The following MDM2 variants were observed in gnomAD, a reference collection of about 807,000 sequenced individuals.
MDM2 encodes the protein MDM2 proto-oncogene.
Under a neutral mutation model 64.3 loss-of-function variants are expected in MDM2, and 11 were observed. The ratio of observed to expected loss-of-function variants is 0.17; its 90% CI spans 0.11 to 0.28. MDM2 has a LOEUF of 0.28. Among genes scored for constraint, MDM2 ranks in the 10% least tolerant of loss-of-function variants. MDM2 has a pLI of 1.00. For synonymous variants in MDM2, 194 were observed against 192.9 expected, an observed-to-expected ratio of 1.01 and a Z score of -0.05; for missense variants, 388 against 577.1, an observed-to-expected ratio of 0.67 and a Z score of 3.36.
At chr12:68,833,143 AAAAAAAATAT>A (rs1241823602) in intron 8 of MDM2, among the ~76,000 whole-genome samples, 159 of 107,278 alleles carry the variant, frequency 1.5e-3, no homozygotes, top group African/African-American at 7.1e-3. Context: ...AAAAAAAAAA[AAAAAAAATAT>A]ATATATATAT....
Position 68,844,111 on chromosome 12 carries a change from G to C in MDM2, c.*4262G>C, listed in dbSNP as rs1382127879. ...CTGCAAATGGATTCAACATGTTTAT[G>C]GGTTATTAAAATTGTCTGATTTCTT... is the stretch of plus-strand genomic sequence containing the variant. On this transcript the variant is annotated 3_prime_UTR_variant, in exon 11 of 11. Coordinates refer to ENST00000258149, the MANE Select transcript of MDM2 (RefSeq NM_002392.6). 1 of 207,420 alleles carries C rather than the reference G, an allele frequency of 4.8e-6. No homozygotes were observed. The highest frequency in any genetic ancestry group is 2.3e-5 in the African/African-American group (1 of 43,894). The allele number at this position is 207,420 out of a possible 1,614,324, so 12.8% of individuals were successfully genotyped here. A position where few individuals can be genotyped will look rare whatever the true frequency, so the allele number is the denominator to read the frequency against.
chr12:68,816,997 G>C (rs1208044401), intron 4 of MDM2, 52 bp downstream of exon 4: 2 of 1,590,802 alleles, frequency 1.3e-6, no homozygotes, highest in East Asian at 4.5e-5. Context: ...TAACATTTCA[G>C]TTCACCTCTA....
intron 5 of MDM2, among the ~76,000 whole-genome samples, chr12:68,821,222 ATTT>A (rs1254986641): frequency 4.6e-5 from 7 of 151,510 alleles, no homozygotes; most frequent in Non-Finnish European, 8.8e-5. Flanking sequence ...TAATTTTTGT[ATTT>A]TTAGTAGAGA....
rs761546875 is a variant in MDM2, at chr12:68,816,914, G to C, written c.277G>C (p.Gly93Arg). ...CSNDLLGDLF[G>R]VPSFSVKEHR... ...AAATGATCTTCTAGGAGATTTGTTT[G>C]GCGTGCCAAGCTTCTCTGTGAAAGA... is the stretch of plus-strand genomic sequence containing the variant. The change falls in exon 4 of 11, where the codon GGC (glycine) becomes CGC (arginine). Residue 93 changes from glycine (G) to arginine (R), a missense_variant. This residue lies in a region of MDM2 where 24 missense variants were observed against 87.8 expected (regional missense o/e 0.27). Transcript: ENST00000258149. The C allele has an allele frequency of 1.2e-6, 2 of 1,612,572 alleles. No individual in the cohort carries two copies. The highest frequency in any genetic ancestry group is 2.2e-5 in the South Asian group (2 of 90,522).
At chr12:68,808,561 C>A in intron 1 of MDM2, 70 bp downstream of exon 1, 1 of 1,603,552 alleles carries the variant, frequency 6.2e-7, no homozygotes, top group Non-Finnish European at 8.5e-7. Flanking sequence ...TCGCTGGTTC[C>A]CAGCCTCTGC....
In MDM2 at chr12:68,809,265, G is replaced by A. The variant is rs1880647399; in HGVS notation, c.72G>A (p.Gln24=). 1.2e-6 allele frequency: 2 copies of A among 1,614,110 alleles called. No homozygotes were observed. The highest frequency in any genetic ancestry group is 1.7e-6 in the Non-Finnish European group (2 of 1,180,006). ...VPTDGAVTTS[Q]IPASEQETLV... is the part of the protein sequence containing the mutation. ...CTGATGGTGCTGTAACCACCTCACA[G>A]ATTCCAGCTTCGGAACAAGAGACCC... The change falls in exon 2 of 11, where the codon CAG becomes CAA. Residue 24 remains glutamine, a synonymous_variant. Transcript: ENST00000258149.
intron 10 of MDM2, among the ~76,000 whole-genome samples, chr12:68,837,785 T>A (rs1389979741): frequency 6.6e-6 from 1 of 152,208 alleles, no homozygotes; most frequent in East Asian, 1.9e-4. Context: ...TAGGTTTTTT[T>A]AAAACTATTG....
At position 68,808,447 on chromosome 12, in the gene MDM2, G is replaced by C; in HGVS notation, c.-31G>C. 6.2e-7 allele frequency: 1 copy of C among 1,614,024 alleles called. No homozygotes were observed. Among genetic ancestry groups the C allele is most frequent in the Non-Finnish European group, 8.5e-7 (1 of 1,179,988 alleles). Reference sequence around the variant, plus strand: ...GTGAAGGAAACTGGGGAGTCTTGAGGGACCCCCGACTCCAAGCGCGAAAAC... The same window carrying C: ...GTGAAGGAAACTGGGGAGTCTTGAGCGACCCCCGACTCCAAGCGCGAAAAC... On this transcript the variant is annotated 5_prime_UTR_variant, in exon 1 of 11. Transcript: ENST00000258149.
Position 68,839,880 on chromosome 12 carries a change from C to T in MDM2, c.*31C>T. ...CTGTCTATAAGAGAATTATATATTT[C>T]TAACTATATAACCCTAGGAATTTAG... On this transcript the variant is annotated 3_prime_UTR_variant, in exon 11 of 11. Transcript: ENST00000258149. The T allele has an allele frequency of 1.3e-6, 2 of 1,580,236 alleles. No individual in the cohort carries two copies. Among genetic ancestry groups the T allele is most frequent in the Non-Finnish European group, 8.7e-7 (1 of 1,155,836 alleles).
Position 68,839,289 on chromosome 12 carries a change from A to T in MDM2, c.934A>T (p.Thr312Ser), listed in dbSNP as rs1883551742. The change falls in exon 11 of 11, where the codon ACT (threonine) becomes TCT (serine). Residue 312 changes from threonine (T) to serine (S), a missense_variant. Thr to Ser is a moderately conservative substitution (Grantham distance 58). Around this residue, in one of 5 missense-constraint regions of MDM2, gnomAD observed 168 missense variants for 236.6 expected, o/e 0.71. Transcript: ENST00000258149. ...EISLADYWKC[T>S]SCNEMNPPLP... The stretch of plus-strand genomic sequence containing the variant: ...TTCATTGAAGGACTATTGGAAATGC[A>T]CTTCATGCAATGAAATGAATCCCCC... The T allele has an allele frequency of 2.5e-6, 4 of 1,612,874 alleles. No individual in the cohort carries two copies. The highest frequency in any genetic ancestry group is 1.7e-4 in the Middle Eastern group (1 of 6,058).
rs143807051 is a variant in MDM2 at position 68,835,592 on chromosome 12, A to G, written c.685-237A>G. Among the ~76,000 whole-genome samples the G allele has an allele frequency of 6.4e-3, 971 of 152,336 alleles. 5 individuals carry two copies. The highest frequency in any genetic ancestry group is 0.014 in the South Asian group (66 of 4,828). On this transcript the variant is annotated intron_variant, in intron 8 of 10. Transcript: ENST00000258149. Reference sequence around the variant, plus strand: ...CTTGAAACCTTAATCTAGTTTCAGTATGCAGGATGGATCTGAGGAGGAAAT... The same window carrying G: ...CTTGAAACCTTAATCTAGTTTCAGTGTGCAGGATGGATCTGAGGAGGAAAT...
intron 7 of MDM2, among the ~76,000 whole-genome samples, chr12:68,826,415 G>A (rs566224821): frequency 1.3e-5 from 2 of 152,110 alleles, no homozygotes; most frequent in Admixed American, 6.5e-5. Context: ...TTGGAAGGCC[G>A]AAGCGGGTGG....
rs373328180 is a variant in MDM2, at chr12:68,828,763, A to G, written c.524-8A>G. 3.1e-6 allele frequency: 5 copies of G among 1,613,208 alleles called. No individual in the cohort carries two copies. The African/African-American group carries it at 4.0e-5, about 13-fold the overall frequency. On this transcript the variant is annotated splice_polypyrimidine_tract_variant and splice_region_variant and intron_variant, in intron 7 of 10. Transcript: ENST00000258149. The stretch of plus-strand genomic sequence containing the variant: ...ACAGCAATTTATTTTTTTTCCTTAC[A>G]TATCCAGAAGAAAATTCAGATGAAT...
intron 1 of MDM2, chr12:68,808,804 C>T: frequency 1.5e-6 from 1 of 656,078 alleles, no homozygotes; most frequent in Non-Finnish European, 1.9e-6. Flanking sequence ...GCCGCTTCGG[C>T]GCGGGAGGTC....
chr12:68,821,064 T>G (rs1881802733), intron 5 of MDM2, among the ~76,000 whole-genome samples: 2 of 123,574 alleles, frequency 1.6e-5, no homozygotes, highest in Non-Finnish European at 3.5e-5. Flanking sequence ...TTTTTTTTTT[T>G]TGAGAAGGAA....
At chr12:68,829,691 A>T (rs748044533) in intron 8 of MDM2, among the ~76,000 whole-genome samples, 3 of 150,802 alleles carry the variant, frequency 2.0e-5, no homozygotes, top group Non-Finnish European at 4.4e-5. Flanking sequence ...GCTCGAACCC[A>T]GGAGTTGGAG....
intron 10 of MDM2, among the ~76,000 whole-genome samples, chr12:68,836,955 CTTTT>C (rs35125243): frequency 7.3e-6 from 1 of 136,700 alleles, no homozygotes. Context: ...GGAATTTGAA[CTTTT>C]TTTTTTTTTT....
In MDM2 at chr12:68,835,975, A is replaced by C; in HGVS notation, c.831A>C (p.Glu277Asp). The change falls in exon 9 of 11, where the codon GAA becomes GAC. Residue 277 changes from glutamate to aspartate, a missense_variant. Physicochemically the swap from Glu to Asp is conservative, Grantham distance 45. Around this residue, in one of 5 missense-constraint regions of MDM2, gnomAD observed 168 missense variants for 236.6 expected, o/e 0.71. Coordinates refer to ENST00000258149, the MANE Select transcript of MDM2 (RefSeq NM_002392.6). ...LSEEGQELSD[E>D]DDEVYQVTVY... ...AAGAAGGACAAGAACTCTCAGATGA[A>C]GATGATGAGGTAGTATTTTTTTTCC... is the stretch of plus-strand genomic sequence containing the variant. 6.2e-7 allele frequency: 1 copy of C among 1,605,916 alleles called. No individual in the cohort carries two copies. The highest frequency in any genetic ancestry group is 8.5e-7 in the Non-Finnish European group (1 of 1,176,004).
In MDM2 at chr12:68,840,506, T is replaced by G. The variant is rs943203251; in HGVS notation, c.*657T>G. 5.2e-5 allele frequency: 10 copies of G among 193,484 alleles called. No homozygotes were observed. Among genetic ancestry groups the G allele is most frequent in the African/African-American group, 9.4e-5 (4 of 42,440 alleles). The allele number at this position is 193,484 out of a possible 1,614,324, so 12.0% of individuals were successfully genotyped here. ...GTGTGAAAGATTTAGTTTTTTGTTTTTTTGTTTGTTTGTTTGTTTGTTTGT... is the reference window on the plus strand; with the variant it reads ...GTGTGAAAGATTTAGTTTTTTGTTTGTTTGTTTGTTTGTTTGTTTGTTTGT... On this transcript the variant is annotated 3_prime_UTR_variant, in exon 11 of 11. Transcript: ENST00000258149.
Sources: gnomAD v4.1 joint callset for allele counts (sites outside exome capture counted in the v4.1 genomes callset) on GRCh38, gnomAD v4.1.1 for gene constraint, gnomAD v4.1.1 regional missense constraint, MANE v1.5 for transcripts, NCBI Gene and HGNC (gene_info 2026-07-23, HGNC 2026-07-21) for gene names.